CACNA1E: variants seen among roughly 807,000 people sequenced by gnomAD.
CACNA1E encodes voltage-dependent R-type calcium channel subunit alpha-1E.
A neutral mutation model predicts 259.2 loss-of-function variants in CACNA1E; 40 were observed. That is an observed-to-expected ratio of 0.15 (90% confidence interval 0.12 to 0.20). The LOEUF (loss-of-function observed/expected upper bound fraction) is 0.20. Among genes scored for constraint, CACNA1E ranks in the 10% least tolerant of loss-of-function variants. CACNA1E has a pLI of 1.00. For missense variants in CACNA1E, 1,874 were observed against 3,040.1 expected, an observed-to-expected ratio of 0.62 and a Z score of 9.02; for synonymous variants, 1,104 against 1,138.5, an observed-to-expected ratio of 0.97 and a Z score of 0.61.
chr1:181,429,886 A>C (rs1357923271), intron 2 of CACNA1E, among the ~76,000 whole-genome samples: 1 of 152,260 alleles, frequency 6.6e-6, no homozygotes, highest in African/African-American at 2.4e-5. Context: ...CAAGCTCTTC[A>C]GGTGATTGAT....
Position 181,732,922 on chromosome 1 carries a change from C to T in CACNA1E, c.2836C>T (p.Arg946Cys), listed in dbSNP as rs757105337. Residue 946 changes from arginine (R) to cysteine (C), a missense_variant, in exon 20 of 48, where the codon CGC becomes TGC. Arg to Cys is a radical substitution (Grantham distance 180, BLOSUM62 -3). Transcript: ENST00000367573. This position sits in a 1 kb window ranked among gnomAD's most constrained non-coding sequence, Gnocchi z 5.5. ...CCGGAGCAGGTCTGCCAGCCAGGAACGCAGTCTGGATGAAGCCATGCCCAC... is the reference window on the plus strand; with the variant it reads ...CCGGAGCAGGTCTGCCAGCCAGGAATGCAGTCTGGATGAAGCCATGCCCAC... ...ASRSRSASQE[R>C]SLDEAMPTEG... The T allele has an allele frequency of 2.5e-5, 41 of 1,613,894 alleles. No homozygotes were observed. Among genetic ancestry groups the T allele is most frequent in the Non-Finnish European group, 2.7e-5 (32 of 1,179,904 alleles).
intron 1 of CACNA1E, among the ~76,000 whole-genome samples, chr1:181,412,830 T>C (rs1271429543): frequency 6.6e-6 from 1 of 152,232 alleles, no homozygotes; most frequent in Non-Finnish European, 1.5e-5. Flanking sequence ...CTGTGTCTTC[T>C]GCAGTAGACT....
intron 2 of CACNA1E, among the ~76,000 whole-genome samples, chr1:181,460,807 C>G (rs1393014431): frequency 6.6e-6 from 1 of 152,220 alleles, no homozygotes; most frequent in Non-Finnish European, 1.5e-5. Flanking sequence ...GAGTCTGAAT[C>G]TTGGATTCTG....
chr1:181,433,724 T>C (rs993628523), intron 2 of CACNA1E, among the ~76,000 whole-genome samples: 1 of 152,164 alleles, frequency 6.6e-6, no homozygotes, highest in Admixed American at 6.5e-5. Flanking sequence ...TATATAGTTT[T>C]CTATTCTATT....
intron 2 of CACNA1E, among the ~76,000 whole-genome samples, chr1:181,461,004 G>A (rs915632983): frequency 6.6e-6 from 1 of 152,166 alleles, no homozygotes; most frequent in African/African-American, 2.4e-5. Flanking sequence ...TAAATCCTGT[G>A]GGAAGCTGAA....
Position 181,798,116 on chromosome 1 carries a change from C to T in CACNA1E, c.6400-176C>T, listed in dbSNP as rs553142745. On this transcript the variant is annotated intron_variant, in intron 47 of 47. Transcript: ENST00000367573. The surrounding 1 kb of genome is among the most constrained non-coding windows in gnomAD (Gnocchi z 4.2). ...TCTGAGATGTCCTGGTCTAAATGTT[C>T]TTGACTCCTTAATCTCTTCAATCCC... Among the ~76,000 whole-genome samples, 4 of 152,312 alleles carry T rather than the reference C, an allele frequency of 2.6e-5. No homozygotes were observed. Among genetic ancestry groups the T allele is most frequent in the African/African-American group, 9.6e-5 (4 of 41,566 alleles).
At chr1:181,735,222 TG>T (rs1282143872) in intron 21 of CACNA1E, among the ~76,000 whole-genome samples, 1 of 152,236 alleles carries the variant, frequency 6.6e-6, no homozygotes, top group Non-Finnish European at 1.5e-5. Context: ...TTTTGGTGTT[TG>T]TTTGCTTTAA....
chr1:181,547,198 A>G (rs1647568640), intron 3 of CACNA1E, among the ~76,000 whole-genome samples: 1 of 151,958 alleles, frequency 6.6e-6, no homozygotes, highest in Admixed American at 6.6e-5. Context: ...CTCAGCACTG[A>G]TGCCACCTGA....
At chr1:181,319,753 T>C (rs924604143) in intron 1 of CACNA1E, among the ~76,000 whole-genome samples, 2 of 152,196 alleles carry the variant, frequency 1.3e-5, no homozygotes, top group African/African-American at 4.8e-5. Flanking sequence ...AGAGTGACTG[T>C]ATTTATGCTA....
chr1:181,543,613 C>T (rs528224493), intron 3 of CACNA1E, among the ~76,000 whole-genome samples: 60 of 152,300 alleles, frequency 3.9e-4, no homozygotes, highest in African/African-American at 1.3e-3. Flanking sequence ...AGAGGGTCCT[C>T]GCCAGGAATC....
intron 2 of CACNA1E, among the ~76,000 whole-genome samples, chr1:181,448,504 C>G (rs1660941625): frequency 1.3e-5 from 2 of 152,214 alleles, no homozygotes; most frequent in African/African-American, 4.8e-5. Flanking sequence ...CCTGGGATCT[C>G]AACTAAAAGC....
chr1:181,345,795 G>A (rs2102649970), intron 1 of CACNA1E, among the ~76,000 whole-genome samples: 1 of 152,344 alleles, frequency 6.6e-6, no homozygotes, highest in South Asian at 2.1e-4. Context: ...CTTGTGCCTA[G>A]CTCTACCTTC....
chr1:181,624,352 G>A (rs900254258), intron 6 of CACNA1E, among the ~76,000 whole-genome samples: 5 of 152,130 alleles, frequency 3.3e-5, no homozygotes, highest in Non-Finnish European at 5.9e-5. Context: ...TGACTCTTTC[G>A]TGAAAGATTT....
intron 7 of CACNA1E, among the ~76,000 whole-genome samples, chr1:181,672,152 C>T (rs1648873481): frequency 6.6e-6 from 1 of 152,182 alleles, no homozygotes; most frequent in Non-Finnish European, 1.5e-5. Context: ...CCAAATACCT[C>T]AAGTTCTCAG....
At position 181,333,219 on chromosome 1, in the gene CACNA1E, A is replaced by G. The variant is rs572269159; in HGVS notation, c.-15+15096A>G. Among the ~76,000 whole-genome samples, 15 of 152,294 alleles carry G rather than the reference A, an allele frequency of 9.8e-5. No homozygotes were observed. In the South Asian group the frequency reaches 1.7e-3, roughly 17 times the overall value. On this transcript the variant is annotated intron_variant, in intron 1 of 11. Transcript: ENST00000524607. Reference sequence around the variant, plus strand: ...TCAGTCCCCAGTCCCTTCTGGCATGAACACACTAGAAGTCTGTGGAAGAGG... The same window carrying G: ...TCAGTCCCCAGTCCCTTCTGGCATGGACACACTAGAAGTCTGTGGAAGAGG...
chr1:181,767,448 G>T (rs887650492), intron 35 of CACNA1E, among the ~76,000 whole-genome samples: 1 of 152,218 alleles, frequency 6.6e-6, no homozygotes, highest in Non-Finnish European at 1.5e-5. Context: ...CTAGATCCCA[G>T]CATAGAACTT....
Position 181,733,619 on chromosome 1 carries a change from G to A in CACNA1E, c.3131G>A (p.Arg1044Gln), listed in dbSNP as rs1408699215. The change falls in exon 21 of 48, where the codon CGG becomes CAG. Residue 1044 changes from arginine to glutamine, a missense_variant. Coordinates refer to ENST00000367573, the MANE Select transcript of CACNA1E (RefSeq NM_001205293.3). ...LLGNVQLDMG[R>Q]VISQSEPDLS... The stretch of plus-strand genomic sequence containing the variant: ...GGGAATGTGCAGCTAGACATGGGCC[G>A]GGTCATCAGCCAGAGCGAGCCTGAC... The A allele has an allele frequency of 1.6e-5, 25 of 1,612,660 alleles. No individual in the cohort carries two copies. The highest frequency in any genetic ancestry group is 2.0e-5 in the Non-Finnish European group (24 of 1,179,474).
chr1:181,584,289 G>A (rs548803392), intron 6 of CACNA1E, among the ~76,000 whole-genome samples: 179 of 152,324 alleles, frequency 1.2e-3, no homozygotes, highest in African/African-American at 4.1e-3. Flanking sequence ...ATAAACTCAT[G>A]TAGAGGCAGA....
At chr1:181,415,955 T>A (rs1365389142) in intron 2 of CACNA1E, among the ~76,000 whole-genome samples, 1 of 152,218 alleles carries the variant, frequency 6.6e-6, no homozygotes, top group East Asian at 1.9e-4. Flanking sequence ...ACTGGGTTTT[T>A]GAGAAGAGAA....
Sources: gnomAD v4.1 joint callset for allele counts (sites outside exome capture counted in the v4.1 genomes callset) on GRCh38, gnomAD v4.1.1 for gene constraint, Gnocchi (gnomAD v3.1) non-coding constraint, MANE v1.5 for transcripts, NCBI Gene and HGNC (gene_info 2026-07-23, HGNC 2026-07-21) for gene names.